Variants in GABRA5 observed in about 807,000 individuals in gnomAD.
GABRA5 encodes the protein gamma-aminobutyric acid receptor subunit alpha-5.
A neutral mutation model predicts 47.3 loss-of-function variants in GABRA5; 18 were observed. That is an observed-to-expected ratio of 0.38 (90% confidence interval 0.26 to 0.56). The LOEUF (loss-of-function observed/expected upper bound fraction) is 0.56. Ranked by LOEUF, GABRA5 falls within the 20% of genes least tolerant of loss-of-function variation. The pLI is 0.71. For synonymous variants in GABRA5, 237 were observed against 229.3 expected (o/e 1.03, Z -0.30); for missense variants, 365 against 599.3 (o/e 0.61, Z 4.08).
intron 6 of GABRA5, among the ~76,000 whole-genome samples, chr15:26,913,613 A>G (rs1248202325): frequency 1.3e-5 from 2 of 152,244 alleles, no homozygotes; most frequent in Non-Finnish European, 2.9e-5. Flanking sequence ...AAATAGAATT[A>G]TAACATGCAC....
At chr15:26,934,832 G>T (rs1468816777) in intron 7 of GABRA5, among the ~76,000 whole-genome samples, 2 of 152,168 alleles carry the variant, frequency 1.3e-5, no homozygotes, top group Non-Finnish European at 2.9e-5. Context: ...CTCCCACTCA[G>T]GATTTGCAAG....
At chr15:26,930,348 C>T (rs1003085597) in intron 7 of GABRA5, among the ~76,000 whole-genome samples, 2 of 152,110 alleles carry the variant, frequency 1.3e-5, no homozygotes, top group African/African-American at 4.8e-5. Flanking sequence ...TAAGTCATTT[C>T]CCTCTCCTCC....
chr15:26,919,135 C>T (rs763631069), intron 7 of GABRA5, among the ~76,000 whole-genome samples: 1 of 136,474 alleles, frequency 7.3e-6, no homozygotes, highest in Admixed American at 7.6e-5. Flanking sequence ...AGTGTAACAC[C>T]CTGTCTCAAG....
chr15:26,891,696 G>C (rs1427440467), intron 6 of GABRA5, among the ~76,000 whole-genome samples: 2 of 152,190 alleles, frequency 1.3e-5, no homozygotes, highest in African/African-American at 4.8e-5. Context: ...GCGGCCTTGA[G>C]GTTGCTCAGA....
intron 3 of GABRA5, among the ~76,000 whole-genome samples, chr15:26,874,495 G>C (rs943721635): frequency 6.6e-6 from 1 of 152,128 alleles, no homozygotes; most frequent in Non-Finnish European, 1.5e-5. Context: ...GCCTGCTCCA[G>C]AATGTCCTAA....
In GABRA5 at chr15:26,936,330, C is replaced by CTTTGCAAG. The variant is rs553407106; in HGVS notation, c.581-855_581-854insTTTGCAAG. Among the ~76,000 whole-genome samples the CTTTGCAAG allele has an allele frequency of 5.8e-3, 885 of 152,228 alleles. 6 individuals carry two copies. The highest frequency in any genetic ancestry group is 6.6e-3 in the Non-Finnish European group (452 of 68,020). ...AAGCTTTGGGCTCCTTTGCAAGCTT[C>CTTTGCAAG]CAGATTAATATATTCCAGCCTAGTC... On this transcript the variant is annotated intron_variant, in intron 7 of 10. Transcript: ENST00000335625.
At chr15:26,908,369 C>A (rs903617928) in intron 6 of GABRA5, among the ~76,000 whole-genome samples, 4 of 152,124 alleles carry the variant, frequency 2.6e-5, no homozygotes, top group African/African-American at 9.7e-5. Flanking sequence ...AGCATCCCTA[C>A]TGGTGTGCTG....
chr15:26,944,356 T>C (rs8027396), intron 10 of GABRA5, among the ~76,000 whole-genome samples: 140,300 of 152,286 alleles, frequency 0.92, 64,816 homozygotes, highest in African/African-American at 0.97. Flanking sequence ...TGACCTCGCC[T>C]GTTGGGCCTT....
intron 6 of GABRA5, among the ~76,000 whole-genome samples, chr15:26,887,999 C>T (rs964122890): frequency 6.6e-6 from 1 of 152,132 alleles, no homozygotes; most frequent in African/African-American, 2.4e-5. Flanking sequence ...AATGGGAAAT[C>T]CCTGCCATGT....
intron 8 of GABRA5, among the ~76,000 whole-genome samples, chr15:26,938,919 G>A (rs1325372586): frequency 6.6e-6 from 1 of 152,190 alleles, no homozygotes. Flanking sequence ...CCAACAGTAA[G>A]CACTGCAACT....
At chr15:26,934,189 T>C (rs534842144) in intron 7 of GABRA5, among the ~76,000 whole-genome samples, 11 of 147,290 alleles carry the variant, frequency 7.5e-5, no homozygotes, top group African/African-American at 2.8e-4. Flanking sequence ...GAAACAGAGA[T>C]TGCAGTGAGC....
intron 8 of GABRA5, chr15:26,939,354 A>AT (rs759874063): frequency 1.3e-6 from 1 of 765,258 alleles, no homozygotes; most frequent in Admixed American, 1.7e-5. Flanking sequence ...AATGCCCCCG[A>AT]TTTCAAAGAA....
intron 7 of GABRA5, among the ~76,000 whole-genome samples, chr15:26,919,578 T>C (rs1254625600): frequency 1.3e-5 from 2 of 152,070 alleles, no homozygotes; most frequent in Non-Finnish European, 2.9e-5. Context: ...CATTTTTAGT[T>C]GTAATTATTT....
At chr15:26,930,006 C>CTTTTTTTTTTTTTTTTTTTTTT (rs72082419) in intron 7 of GABRA5, among the ~76,000 whole-genome samples, 1 of 113,414 alleles carries the variant, frequency 8.8e-6, no homozygotes, top group East Asian at 3.0e-4. Context: ...TCTTCTTCTT[C>CTTTTTTTTTTTTTTTTTTTTTT]TTTTTTTTTT....
intron 6 of GABRA5, among the ~76,000 whole-genome samples, chr15:26,911,388 C>CAA (rs1555391759): frequency 6.8e-6 from 1 of 146,652 alleles, no homozygotes; most frequent in Non-Finnish European, 1.5e-5. Context: ...CACACACACA[C>CAA]ACACACACAA....
intron 8 of GABRA5, 37 bp from the exon 9 acceptor site, chr15:26,939,888 C>T (rs754894074): frequency 3.7e-6 from 6 of 1,611,202 alleles, no homozygotes; most frequent in Non-Finnish European, 5.1e-6. Context: ...AGCAGAGACT[C>T]TAGGGGACTG....
chr15:26,881,906 G>T (rs1222526049), intron 4 of GABRA5, among the ~76,000 whole-genome samples: 1 of 152,082 alleles, frequency 6.6e-6, no homozygotes, highest in Non-Finnish European at 1.5e-5. Flanking sequence ...CACCATGTTG[G>T]CCAGGCTGGT....
intron 7 of GABRA5, among the ~76,000 whole-genome samples, chr15:26,933,347 C>A (rs954690301): frequency 4.6e-5 from 7 of 152,094 alleles, no homozygotes; most frequent in African/African-American, 1.4e-4. Flanking sequence ...TACTGTTTTC[C>A]ATGAGGAAAT....
Position 26,948,358 on chromosome 15 carries a change from A to ATT in GABRA5, c.*125_*126insTT. ...TTCAGGAAATTTTTGCATGTTTAAT[A>ATT]ATATGTACAAATAATATTGCCTTGA... is the stretch of plus-strand genomic sequence containing the variant. On this transcript the variant is annotated 3_prime_UTR_variant, in exon 11 of 11. Transcript: ENST00000335625. The ATT allele has an allele frequency of 1.3e-6, 1 of 771,994 alleles. No homozygotes were observed. Among genetic ancestry groups the ATT allele is most frequent in the Non-Finnish European group, 2.1e-6 (1 of 482,076 alleles). 47.8% of individuals were successfully genotyped at this position (771,994 alleles called of 1,614,324 possible).
Sources: allele counts gnomAD v4.1 joint callset (sites outside exome capture counted in the v4.1 genomes callset), GRCh38; gene constraint gnomAD v4.1.1; transcripts MANE v1.5; gene names NCBI Gene and HGNC (gene_info 2026-07-23, HGNC 2026-07-21).